ATP9B: variants seen among roughly 807,000 people sequenced by gnomAD.
ATP9B encodes probable phospholipid-transporting ATPase IIB.
A neutral mutation model predicts 146.1 loss-of-function variants in ATP9B; 110 were observed. The ratio of observed to expected loss-of-function variants is 0.75; its 90% CI spans 0.65 to 0.88. The LOEUF (loss-of-function observed/expected upper bound fraction) is 0.88. Among genes scored for constraint, ATP9B ranks in the 40% least tolerant of loss-of-function variants. The pLI is 0.00. For synonymous variants in ATP9B, 604 were observed against 569.7 expected (o/e 1.06, Z -0.86); for missense variants, 1,499 against 1,496.4 (o/e 1.00, Z -0.03).
intron 5 of ATP9B, among the ~76,000 whole-genome samples, chr18:79,134,073 C>A (rs759046844): frequency 2.4e-4 from 37 of 152,226 alleles, no homozygotes; most frequent in Admixed American, 2.6e-4. Context: ...ATGTGACTCT[C>A]CAGCTCCCTG....
At chr18:79,166,773 T>C (rs2094972116) in intron 7 of ATP9B, among the ~76,000 whole-genome samples, 1 of 152,166 alleles carries the variant, frequency 6.6e-6, no homozygotes, top group Non-Finnish European at 1.5e-5. Context: ...GGAGCCTTTG[T>C]CCAAGTTTTG....
In ATP9B at chr18:79,377,850, A is replaced by G. The variant is rs2097110242; in HGVS notation, c.*467A>G. ...AACGTCACCCCTGCCAGGCAAGCCC[A>G]GGGCACAGATGCTGCGATGGCCTCT... On this transcript the variant is annotated 3_prime_UTR_variant, in exon 30 of 30. Transcript: ENST00000426216. The G allele has an allele frequency of 6.2e-6, 1 of 162,470 alleles. No individual in the cohort carries two copies. Among genetic ancestry groups the G allele is most frequent in the Non-Finnish European group, 1.4e-5 (1 of 73,828 alleles). 10.1% of individuals were successfully genotyped at this position (162,470 alleles called of 1,614,324 possible). A position where few individuals can be genotyped will look rare whatever the true frequency, so the allele number is the denominator to read the frequency against.
In ATP9B at chr18:79,143,866, T is replaced by TG; in HGVS notation, c.726+7dup. 6.4e-7 allele frequency: 1 copy of TG among 1,556,320 alleles called. No individual in the cohort carries two copies. The highest frequency in any genetic ancestry group is 8.7e-7 in the Non-Finnish European group (1 of 1,146,212). ...ACCTCATCATAGTGGAAAAGGTTGA[T>TG]GATTTTTTAATATATTTTAGACCTA... On this transcript the variant is annotated splice_region_variant and intron_variant, in intron 6 of 29. Transcript: ENST00000426216.
chr18:79,191,474 G>T (rs888575772), intron 8 of ATP9B, among the ~76,000 whole-genome samples: 2 of 152,052 alleles, frequency 1.3e-5, no homozygotes, highest in African/African-American at 4.8e-5. Context: ...TAGACTCCGC[G>T]ATATTCCCTT....
chr18:79,206,855 G>C, intron 9 of ATP9B, 82 bp from the exon 10 acceptor site: 1 of 1,330,152 alleles, frequency 7.5e-7, no homozygotes, highest in East Asian at 2.3e-5. Context: ...TTGTGGACCT[G>C]TTTCTAATAC....
intron 15 of ATP9B, among the ~76,000 whole-genome samples, chr18:79,307,829 A>G (rs908471798): frequency 1.3e-5 from 2 of 152,174 alleles, no homozygotes; most frequent in Non-Finnish European, 2.9e-5. Flanking sequence ...ATGTCTTAGT[A>G]TATTTTATAT....
At position 79,337,351 on chromosome 18, in the gene ATP9B, G is replaced by C; in HGVS notation, c.2185G>C (p.Glu729Gln). The change falls in exon 19 of 30, where the codon GAG becomes CAG. Residue 729 changes from glutamate to glutamine, a missense_variant. By Grantham distance (29) the Glu-to-Gln change is conservative (BLOSUM62 2). Coordinates refer to ENST00000426216, the MANE Select transcript of ATP9B (RefSeq NM_198531.5). ...GGTGGCCGCGGTAGTCGAGAGCCTG[G>C]AGAGGGAGATGGAACTGCTGTGCCT... Reference protein sequence around the residue: ...LKVAAVVESLEREMELLCLTG... With the variant: ...LKVAAVVESLQREMELLCLTG... 1 of 1,614,164 alleles carries C rather than the reference G, an allele frequency of 6.2e-7. No homozygotes were observed.
chr18:79,261,767 T>C (rs946341632), intron 12 of ATP9B, among the ~76,000 whole-genome samples: 3 of 152,302 alleles, frequency 2.0e-5, no homozygotes, highest in Admixed American at 2.0e-4. Flanking sequence ...GGCTACTGTT[T>C]TGCTTGTAAG....
chr18:79,153,047 T>G (rs979244466), intron 6 of ATP9B, among the ~76,000 whole-genome samples: 1 of 152,208 alleles, frequency 6.6e-6, no homozygotes, highest in African/African-American at 2.4e-5. Context: ...ATTGGTTTCA[T>G]GCTAATATTA....
In ATP9B at chr18:79,096,488, G is replaced by A; in HGVS notation, c.132G>A (p.Glu44=). The stretch of plus-strand genomic sequence containing the variant: ...TTACCCTAACTAGGTACCAGCTGGA[G>A]GATGAGTCTGCGCATTTGGATGAAA... ...GADRHSRYQL[E]DESAHLDEMP... is the part of the protein sequence containing the mutation. The change falls in exon 2 of 30, where the codon GAG becomes GAA. Residue 44 remains glutamate (E), a synonymous_variant. Coordinates refer to ENST00000426216, the MANE Select transcript of ATP9B (RefSeq NM_198531.5). 6.2e-7 allele frequency: 1 copy of A among 1,613,946 alleles called. No homozygotes were observed. The highest frequency in any genetic ancestry group is 8.5e-7 in the Non-Finnish European group (1 of 1,179,912).
At position 79,256,257 on chromosome 18, in the gene ATP9B, C is replaced by CCATATATA. The variant is rs1262664506; in HGVS notation, c.1268+2716_1268+2717insCATATATA. On this transcript the variant is annotated intron_variant, in intron 12 of 29. Coordinates refer to ENST00000426216, the MANE Select transcript of ATP9B (RefSeq NM_198531.5). ...ATGCCATTTTGTGAATTCTAGCTAG[C>CCATATATA]TATATATATATATATATATATATAT... is the stretch of plus-strand genomic sequence containing the variant. Among the ~76,000 whole-genome samples the CCATATATA allele has an allele frequency of 2.2e-3, 225 of 100,296 alleles. 4 individuals carry two copies. Among genetic ancestry groups the CCATATATA allele is most frequent in the Admixed American group, 2.6e-3 (26 of 9,876 alleles). 65.8% of individuals were successfully genotyped at this position (100,296 alleles called of 152,430 possible).
At chr18:79,370,196 G>T (rs1389787439) in intron 26 of ATP9B, among the ~76,000 whole-genome samples, 1 of 152,170 alleles carries the variant, frequency 6.6e-6, no homozygotes, top group East Asian at 1.9e-4. Context: ...ATATTTAATG[G>T]TAAATATAAC....
At chr18:79,212,878 A>G (rs1313497955) in intron 10 of ATP9B, among the ~76,000 whole-genome samples, 1 of 152,298 alleles carries the variant, frequency 6.6e-6, no homozygotes. Context: ...GTGACACTCA[A>G]TTAAAAGAGA....
intron 5 of ATP9B, among the ~76,000 whole-genome samples, chr18:79,142,745 AG>A (rs1228983198): frequency 2.0e-5 from 3 of 152,256 alleles, no homozygotes; most frequent in Non-Finnish European, 4.4e-5. Context: ...TGAGGCATGT[AG>A]AAAAAACTAC....
rs1396996893 is a variant in ATP9B, at chr18:79,122,322, AC to A, written c.559-3944del. On this transcript the variant is annotated intron_variant, in intron 4 of 29. Transcript: ENST00000426216. ...AGTCTGTAGCAGTAAGTCTTCTCTT[AC>A]GTGGGAATAGCTGCAGACAAGTATA... Among the ~76,000 whole-genome samples, 5 of 151,132 alleles carry A rather than the reference AC, an allele frequency of 3.3e-5. No homozygotes were observed. The East Asian group carries it at 9.6e-4, about 29-fold the overall frequency.
intron 13 of ATP9B, among the ~76,000 whole-genome samples, chr18:79,280,685 A>G (rs2096366791): frequency 6.6e-6 from 1 of 152,226 alleles, no homozygotes; most frequent in African/African-American, 2.4e-5. Context: ...CTAGAAACAC[A>G]TGTGCTTATC....
At chr18:79,321,531 T>C (rs953995517) in intron 15 of ATP9B, among the ~76,000 whole-genome samples, 5 of 152,158 alleles carry the variant, frequency 3.3e-5, no homozygotes, top group Non-Finnish European at 7.3e-5. Context: ...TACAGGCATG[T>C]GCCCACCACT....
chr18:79,144,117 G>A, intron 6 of ATP9B: 1 of 275,798 alleles, frequency 3.6e-6, no homozygotes, highest in Non-Finnish European at 6.7e-6. Context: ...GCATTATCAA[G>A]ATTATTTTAT....
chr18:79,310,454 C>T (rs1043577912), intron 15 of ATP9B, among the ~76,000 whole-genome samples: 3 of 152,334 alleles, frequency 2.0e-5, no homozygotes, highest in Middle Eastern at 3.4e-3. Flanking sequence ...GCTATGCTGG[C>T]TGCAGAGCTG....
Sources: allele counts gnomAD v4.1 joint callset (sites outside exome capture counted in the v4.1 genomes callset), GRCh38; gene constraint gnomAD v4.1.1; transcripts MANE v1.5; gene names NCBI Gene and HGNC (gene_info 2026-07-23, HGNC 2026-07-21).